Variants in CCDC178 observed in about 807,000 individuals in gnomAD.
The protein encoded by CCDC178 is coiled-coil domain-containing protein 178.
Under a neutral mutation model 117.4 loss-of-function variants are expected in CCDC178, and 126 were observed. That is an observed-to-expected ratio of 1.07 (90% CI 0.93 to 1.24). CCDC178 has a LOEUF of 1.24. CCDC178 is among the 50% of genes most tolerant of loss of function. CCDC178 has a pLI of 0.00. For synonymous variants in CCDC178, 283 were observed against 313.4 expected (o/e 0.90, Z 1.02); for missense variants, 1,030 against 986.9 (o/e 1.04, Z -0.59).
intron 7 of CCDC178, among the ~76,000 whole-genome samples, chr18:33,354,627 T>A (rs8097059): frequency 6.8e-6 from 1 of 146,184 alleles, no homozygotes; most frequent in Admixed American, 6.8e-5. Flanking sequence ...TTTTTTTTTT[T>A]CCAGACAGAG....
chr18:33,105,979 G>A (rs2057699403), intron 20 of CCDC178, among the ~76,000 whole-genome samples: 1 of 151,780 alleles, frequency 6.6e-6, no homozygotes. Context: ...TTTAAGAAAA[G>A]TGAAAATAGT....
At chr18:33,244,404 C>G (rs920489704) in intron 15 of CCDC178, among the ~76,000 whole-genome samples, 7 of 151,842 alleles carry the variant, frequency 4.6e-5, no homozygotes, top group African/African-American at 7.3e-5. Flanking sequence ...CCAAATCACA[C>G]TTTGAATTGT....
chr18:32,943,950 G>A (rs953397011), intron 22 of CCDC178, among the ~76,000 whole-genome samples: 2 of 152,162 alleles, frequency 1.3e-5, no homozygotes, highest in Admixed American at 6.6e-5. Context: ...GACATTGTAA[G>A]TCACCTTTCT....
chr18:33,240,726 G>A (rs1310317128), intron 15 of CCDC178, among the ~76,000 whole-genome samples: 1 of 151,708 alleles, frequency 6.6e-6, no homozygotes, highest in Non-Finnish European at 1.5e-5. Context: ...TATTCCAACA[G>A]AGAAAAATTC....
chr18:33,029,185 A>G (rs998913762), intron 21 of CCDC178, among the ~76,000 whole-genome samples: 2 of 151,944 alleles, frequency 1.3e-5, no homozygotes, highest in African/African-American at 4.8e-5. Flanking sequence ...CTAATTCAAT[A>G]TAATTACTTC....
intron 20 of CCDC178, 91 bp downstream of exon 20, chr18:33,211,805 C>T (rs113206245): frequency 3.0e-6 from 3 of 995,840 alleles, no homozygotes; most frequent in African/African-American, 3.4e-5. Flanking sequence ...AACACCCTTG[C>T]TACTTCAGGA....
At chr18:33,415,252 G>A (rs960531215) in intron 2 of CCDC178, among the ~76,000 whole-genome samples, 4 of 152,120 alleles carry the variant, frequency 2.6e-5, no homozygotes, top group Admixed American at 2.0e-4. Flanking sequence ...ACATGCAAAC[G>A]TATGTTTATT....
chr18:33,086,600 T>C (rs1315414466), intron 21 of CCDC178, among the ~76,000 whole-genome samples: 1 of 152,008 alleles, frequency 6.6e-6, no homozygotes, highest in Non-Finnish European at 1.5e-5. Context: ...AGTTAACAGA[T>C]TTCTTAATAT....
chr18:33,232,439 T>G (rs372993352), intron 15 of CCDC178, among the ~76,000 whole-genome samples: 1 of 152,208 alleles, frequency 6.6e-6, no homozygotes, highest in East Asian at 1.9e-4. Flanking sequence ...ATTTATGTTA[T>G]GTAAGGTTTG....
chr18:33,400,969 A>G (rs2063702345), intron 3 of CCDC178, among the ~76,000 whole-genome samples: 1 of 152,212 alleles, frequency 6.6e-6, no homozygotes, highest in Non-Finnish European at 1.5e-5. Context: ...TTGTAAGGTT[A>G]TTAATGGCCT....
At chr18:33,221,736 G>T (rs1334591836) in intron 18 of CCDC178, among the ~76,000 whole-genome samples, 1 of 151,906 alleles carries the variant, frequency 6.6e-6, no homozygotes, top group Non-Finnish European at 1.5e-5. Flanking sequence ...TCTTTTCCCT[G>T]GCAAAACAGA....
chr18:33,312,526 C>T (rs79360387), intron 11 of CCDC178, among the ~76,000 whole-genome samples: 11,094 of 152,142 alleles, frequency 0.073, 482 homozygotes, highest in Non-Finnish European at 0.093. Context: ...TCATGAAAGA[C>T]GAGGAATTGC....
Position 32,975,603 on chromosome 18 carries a change from A to G in CCDC178, c.2389-922T>C, listed in dbSNP as rs76029110. Among the ~76,000 whole-genome samples, 92 of 152,242 alleles carry G rather than the reference A, an allele frequency of 6.0e-4. 2 individuals carry two copies. In the East Asian group the frequency reaches 0.017, roughly 27 times the overall value. The stretch of plus-strand genomic sequence containing the variant: ...CCAAACATTTATAATGAATGCTTAT[A>G]TTATATATTTATAATGAATGTATAT... On this transcript the variant is annotated intron_variant, in intron 21 of 22. Transcript: ENST00000383096.
At chr18:33,061,891 T>A (rs2056927898) in intron 21 of CCDC178, among the ~76,000 whole-genome samples, 1 of 152,176 alleles carries the variant, frequency 6.6e-6, no homozygotes, top group African/African-American at 2.4e-5. Context: ...AAATCAGATA[T>A]CAATGGGGGA....
intron 20 of CCDC178, among the ~76,000 whole-genome samples, chr18:33,094,144 C>T (rs940045411): frequency 1.3e-5 from 2 of 151,824 alleles, no homozygotes; most frequent in African/African-American, 4.8e-5. Context: ...CATATTGATC[C>T]CTAATGATAA....
chr18:32,951,051 GA>G (rs1167857721), intron 22 of CCDC178, among the ~76,000 whole-genome samples: 2 of 151,680 alleles, frequency 1.3e-5, no homozygotes, highest in South Asian at 2.1e-4. Context: ...TTTGTCAAAA[GA>G]AAAAAAATAG....
At chr18:33,310,072 C>T (rs987656915) in intron 11 of CCDC178, among the ~76,000 whole-genome samples, 1 of 152,196 alleles carries the variant, frequency 6.6e-6, no homozygotes, top group Non-Finnish European at 1.5e-5. Flanking sequence ...AGCAATTCCC[C>T]TGCCTCAGCC....
chr18:33,038,208 T>A (rs963808925), intron 21 of CCDC178, among the ~76,000 whole-genome samples: 1 of 151,922 alleles, frequency 6.6e-6, no homozygotes, highest in Non-Finnish European at 1.5e-5. Context: ...TCAACATGGT[T>A]AAATTAGCTT....
intron 18 of CCDC178, among the ~76,000 whole-genome samples, chr18:33,219,860 C>A (rs1749643716): frequency 6.6e-6 from 1 of 151,926 alleles, no homozygotes; most frequent in Non-Finnish European, 1.5e-5. Context: ...ACCTACATGG[C>A]ACATGTATAC....
Sources: allele counts gnomAD v4.1 joint callset (sites outside exome capture counted in the v4.1 genomes callset), GRCh38; gene constraint gnomAD v4.1.1; transcripts MANE v1.5; gene names NCBI Gene and HGNC (gene_info 2026-07-23, HGNC 2026-07-21).